Variants in DPP10 observed in about 807,000 individuals in gnomAD.
The protein encoded by DPP10 is dipeptidyl peptidase like 10.
In DPP10, 33 loss-of-function variants were observed where a neutral mutation model predicts 120.9. The observed-to-expected ratio is 0.27, with a 90% CI of 0.21 to 0.37. The LOEUF (loss-of-function observed/expected upper bound fraction) is 0.37. DPP10 is among the 10% of genes least tolerant of loss of function. DPP10 has a pLI of 1.00. For missense variants in DPP10, 816 were observed against 942.8 expected, an observed-to-expected ratio of 0.87 and a Z score of 1.76; for synonymous variants, 337 against 326.1, an observed-to-expected ratio of 1.03 and a Z score of -0.36.
At chr2:114,804,401 A>G (rs1684542293) in intron 1 of DPP10, among the ~76,000 whole-genome samples, 1 of 152,180 alleles carries the variant, frequency 6.6e-6, no homozygotes. Context: ...GAGGGCCACC[A>G]TCCTCCCAGA....
chr2:115,815,564 A>G, intron 20 of DPP10, 111 bp from the exon 21 acceptor site: 1 of 932,690 alleles, frequency 1.1e-6, no homozygotes, highest in Non-Finnish European at 1.6e-6. Context: ...TACAGTTAGT[A>G]AAGCATTTCT....
chr2:115,509,292 A>G (rs1272037746), intron 4 of DPP10, among the ~76,000 whole-genome samples: 2 of 152,180 alleles, frequency 1.3e-5, no homozygotes, highest in African/African-American at 2.4e-5. Flanking sequence ...GACGATAATA[A>G]TAAGTAAAAT....
intron 8 of DPP10, among the ~76,000 whole-genome samples, chr2:115,733,080 G>A (rs902399833): frequency 1.3e-5 from 2 of 152,002 alleles, no homozygotes; most frequent in Non-Finnish European, 2.9e-5. Context: ...AGATGACATG[G>A]GCCTTGTGTT....
intron 1 of DPP10, among the ~76,000 whole-genome samples, chr2:114,457,579 A>T (rs186929716): frequency 6.6e-6 from 1 of 152,288 alleles, no homozygotes; most frequent in East Asian, 1.9e-4. Context: ...GAACACTCAG[A>T]GGATGCAGCA....
intron 1 of DPP10, among the ~76,000 whole-genome samples, chr2:114,478,299 G>T (rs963890892): frequency 2.6e-5 from 4 of 151,770 alleles, no homozygotes; most frequent in Admixed American, 2.6e-4. Flanking sequence ...TTATCAACAG[G>T]GTAGGGTAGG....
At chr2:115,286,274 G>T (rs2060366440) in intron 1 of DPP10, among the ~76,000 whole-genome samples, 1 of 151,056 alleles carries the variant, frequency 6.6e-6, no homozygotes, top group Admixed American at 6.6e-5. Context: ...TTGGCTTCAA[G>T]ATAAGAAAAA....
intron 5 of DPP10, among the ~76,000 whole-genome samples, chr2:115,568,426 T>C (rs1259912851): frequency 6.6e-6 from 1 of 151,924 alleles, no homozygotes; most frequent in Admixed American, 6.6e-5. Context: ...GAGCTTGCAG[T>C]GAGCCAAGAT....
chr2:114,872,179 A>G (rs957091254), intron 1 of DPP10, among the ~76,000 whole-genome samples: 1 of 152,200 alleles, frequency 6.6e-6, no homozygotes, highest in African/African-American at 2.4e-5. Context: ...TAATTGACTC[A>G]CAGTTTCACA....
intron 1 of DPP10, among the ~76,000 whole-genome samples, chr2:114,819,660 G>A (rs1685928548): frequency 6.6e-6 from 1 of 152,146 alleles, no homozygotes; most frequent in South Asian, 2.1e-4. Context: ...CTTAAGCAGG[G>A]ATATCAATTG....
Position 115,009,807 on chromosome 2 carries a change from C to T in DPP10, c.61-299432C>T, listed in dbSNP as rs1487529051. The stretch of plus-strand genomic sequence containing the variant: ...AAAGTGATGGATATCCCAAGTTACA[C>T]TAATATGACCTTTATACATTATATG... On this transcript the variant is annotated intron_variant, in intron 1 of 25. Coordinates refer to ENST00000410059, the MANE Select transcript of DPP10 (RefSeq NM_020868.6). 2.6e-5 allele frequency among the ~76,000 whole-genome samples: 4 copies of T among 152,056 alleles called. No homozygotes were observed. In the East Asian group the frequency reaches 5.8e-4, roughly 22 times the overall value.
intron 1 of DPP10, among the ~76,000 whole-genome samples, chr2:114,477,854 A>AATATATGTATATATGTACATATATGTGT (rs1680583864): frequency 1.3e-4 from 9 of 71,980 alleles, no homozygotes; most frequent in East Asian, 1.2e-3. Context: ...TGCATGTATA[A>AATATATGTATATATGTACATATATGTGT]ATATATGTAT....
chr2:115,135,426 C>T (rs1000799711), intron 1 of DPP10, among the ~76,000 whole-genome samples: 19 of 152,082 alleles, frequency 1.2e-4, no homozygotes, highest in Admixed American at 7.2e-4. Context: ...TAGCACCTCA[C>T]CCATCTGTTT....
chr2:114,454,721 C>G (rs755189389), intron 1 of DPP10, among the ~76,000 whole-genome samples: 47 of 151,178 alleles, frequency 3.1e-4, no homozygotes, highest in Non-Finnish European at 4.9e-4. Flanking sequence ...CTTTTTTTTT[C>G]CAGCCTCAGG....
At chr2:114,942,390 TACAC>T (rs1243561927) in intron 1 of DPP10, among the ~76,000 whole-genome samples, 4 of 51,450 alleles carry the variant, frequency 7.8e-5, no homozygotes, top group African/African-American at 2.2e-4. Context: ...TATATATATA[TACAC>T]ACACACACAT....
intron 5 of DPP10, among the ~76,000 whole-genome samples, chr2:115,608,356 CT>C (rs1225094724): frequency 4.6e-5 from 7 of 152,060 alleles, no homozygotes; most frequent in African/African-American, 1.4e-4. Context: ...CATTGCTATA[CT>C]CCACCCTGGG....
At chr2:115,308,119 C>T (rs190791793) in intron 1 of DPP10, among the ~76,000 whole-genome samples, 19 of 152,164 alleles carry the variant, frequency 1.2e-4, no homozygotes, top group Non-Finnish European at 2.4e-4. Flanking sequence ...GGGTTTATGG[C>T]ACAATTCAAT....
At chr2:114,476,445 G>A (rs1171152953) in intron 1 of DPP10, among the ~76,000 whole-genome samples, 1 of 152,080 alleles carries the variant, frequency 6.6e-6, no homozygotes, top group Non-Finnish European at 1.5e-5. Flanking sequence ...AATATGAATG[G>A]CTCTCAAATG....
intron 3 of DPP10, among the ~76,000 whole-genome samples, chr2:115,487,144 T>G (rs2075825148): frequency 6.6e-6 from 1 of 150,602 alleles, no homozygotes. Context: ...TCAAAGAGAA[T>G]AAAATACCTA....
chr2:115,468,266 T>C (rs895903098), intron 3 of DPP10: 2 of 510,106 alleles, frequency 3.9e-6, no homozygotes, highest in Non-Finnish European at 7.8e-6. Flanking sequence ...CATTGAAAAC[T>C]GATGTCAGTG....
Sources: allele counts gnomAD v4.1 joint callset (sites outside exome capture counted in the v4.1 genomes callset), GRCh38; gene constraint gnomAD v4.1.1; transcripts MANE v1.5; gene names NCBI Gene and HGNC (gene_info 2026-07-23, HGNC 2026-07-21).